Variants in PLCH2 observed in about 807,000 individuals in gnomAD.
PLCH2 encodes the protein phospholipase C eta 2, also known as 1-phosphatidylinositol 4,5-bisphosphate phosphodiesterase eta-2.
Under a neutral mutation model 134.7 loss-of-function variants are expected in PLCH2, and 98 were observed. That is an observed-to-expected ratio of 0.73 (90% confidence interval 0.62 to 0.86). The LOEUF (loss-of-function observed/expected upper bound fraction) is 0.86, where lower values mean the gene tolerates loss of function less well. Among genes scored for constraint, PLCH2 ranks in the 40% least tolerant of loss-of-function variants. PLCH2 has a pLI of 0.00. For missense variants in PLCH2, 1,994 were observed against 1,986.6 expected, an observed-to-expected ratio of 1.00 and a Z score of -0.07; for synonymous variants, 974 against 827.5, an observed-to-expected ratio of 1.18 and a Z score of -3.04.
At chr1:2,469,925 T>G (rs4648637) in intron 1 of PLCH2, among the ~76,000 whole-genome samples, 60,415 of 152,006 alleles carry the variant, frequency 0.4, 12,387 homozygotes, top group East Asian at 0.5. Context: ...GGGGGCCTTG[T>G]GGCTGACGGT....
chr1:2,496,741 C>T, intron 14 of PLCH2, 37 bp downstream of exon 14: 1 of 1,608,932 alleles, frequency 6.2e-7, no homozygotes, highest in Non-Finnish European at 8.5e-7. Context: ...CGGGCGGAGG[C>T]CTCCCTGTCC....
At chr1:2,478,684 C>A in intron 2 of PLCH2, 62 bp downstream of exon 2, 2 of 1,501,236 alleles carry the variant, frequency 1.3e-6, no homozygotes, top group Non-Finnish European at 9.1e-7. Flanking sequence ...ACGGTAGGGA[C>A]CCTCCCAGGG....
In PLCH2 at chr1:2,451,228, C is replaced by T. The variant is rs571329834; in HGVS notation, c.115+20599C>T. Among the ~76,000 whole-genome samples the T allele has an allele frequency of 7.2e-4, 109 of 152,298 alleles. 2 individuals are homozygous for T. The highest frequency in any genetic ancestry group is 2.5e-3 in the African/African-American group (102 of 41,558). ...CTTCTCCACTCCCCAGGGCCCTCCCCCTCCCAGCCAAGGCAGGCGGTGGTG... is the reference window on the plus strand; with the variant it reads ...CTTCTCCACTCCCCAGGGCCCTCCCTCTCCCAGCCAAGGCAGGCGGTGGTG... On this transcript the variant is annotated intron_variant, in intron 2 of 3. Transcript: ENST00000609981.
upstream of PLCH2, among the ~76,000 whole-genome samples, chr1:2,475,709 G>A (rs192530455): frequency 2.6e-5 from 4 of 152,318 alleles, no homozygotes; most frequent in Middle Eastern, 3.4e-3. Context: ...GCCACAGCTC[G>A]GTGACCGTGG....
In PLCH2 at chr1:2,437,066, CCT is replaced by C. The variant is rs528177315; in HGVS notation, c.115+6441_115+6442del. ...CCCCAGCCCAGACAGGGCCGCCAGG[CCT>C]CTCGCCTTCTGTGGGGCAGGGCAGC... On this transcript the variant is annotated intron_variant, in intron 2 of 3. Coordinates refer to the PLCH2 transcript ENST00000609981. 5.6e-3 allele frequency among the ~76,000 whole-genome samples: 849 copies of C among 152,350 alleles called. 6 individuals are homozygous for C. The highest frequency in any genetic ancestry group is 0.01 in the Non-Finnish European group (689 of 68,014).
rs1366180198 is a variant in PLCH2 at position 2,487,564 on chromosome 1, C to T, written c.1115-34C>T. On this transcript the variant is annotated intron_variant, in intron 7 of 21. Coordinates refer to ENST00000378486, the MANE Select transcript of PLCH2 (RefSeq NM_014638.4). Reference sequence around the variant, plus strand: ...CCTGCCTGGGCTCACTGTGGCTAGGCCCCTGGGGCTGACCAAGGCCTGCCC... The same window carrying T: ...CCTGCCTGGGCTCACTGTGGCTAGGTCCCTGGGGCTGACCAAGGCCTGCCC... 2.5e-6 allele frequency: 4 copies of T among 1,598,594 alleles called. No homozygotes were observed. The African/African-American group carries it at 4.0e-5, about 16-fold the overall frequency.
rs1356995264 is a variant in PLCH2, at chr1:2,427,093, T to G, written c.-178+1056T>G. Among the ~76,000 whole-genome samples, 8 of 152,314 alleles carry G rather than the reference T, an allele frequency of 5.3e-5. No homozygotes were observed. In the East Asian group the frequency reaches 1.5e-3, roughly 29 times the overall value. The stretch of plus-strand genomic sequence containing the variant: ...AGGACGTCTTGGCCGGGGGTCTCCA[T>G]ACCTGGGACCCACGTTCAGCCTGGA... On this transcript the variant is annotated intron_variant, in intron 1 of 3. Coordinates refer to the PLCH2 transcript ENST00000609981.
chr1:2,458,284 C>T (rs1234944517), intron 2 of PLCH2, among the ~76,000 whole-genome samples: 2 of 152,200 alleles, frequency 1.3e-5, no homozygotes, highest in Non-Finnish European at 2.9e-5. Flanking sequence ...TGTGTCCTGC[C>T]GTCCAGACAC....
intron 15 of PLCH2, 143 bp downstream of exon 15, chr1:2,497,153 G>A (rs1051380893): frequency 2.5e-5 from 21 of 832,618 alleles, no homozygotes; most frequent in African/African-American, 1.7e-4. Flanking sequence ...ACACCTCTGT[G>A]GCATGCTGCC....
At chr1:2,467,417 G>A (rs560874749), upstream of PLCH2, 2 of 385,160 alleles carry the variant, frequency 5.2e-6, no homozygotes, top group Non-Finnish European at 9.1e-6. Flanking sequence ...CGGTCCCAGC[G>A]GCGGCCCCGT....
At chr1:2,455,227 C>A (rs116116561) in intron 2 of PLCH2, among the ~76,000 whole-genome samples, 1 of 152,184 alleles carries the variant, frequency 6.6e-6, no homozygotes, top group Non-Finnish European at 1.5e-5. Flanking sequence ...GGAGCTAGGA[C>A]GGGCGGGCAC....
At chr1:2,457,081 G>A (rs1465229159) in intron 2 of PLCH2, among the ~76,000 whole-genome samples, 1 of 152,214 alleles carries the variant, frequency 6.6e-6, no homozygotes, top group African/African-American at 2.4e-5. Context: ...CTGGTGTGGC[G>A]GTGGTGGCTT....
Position 2,496,705 on chromosome 1 carries a change from G to A in PLCH2, c.1933+1G>A. ...GCCACCCACGACATAGAGATGGAGGGTGAGTGGCTCGGGGACCTGGGGCCA... is the reference window on the plus strand; with the variant it reads ...GCCACCCACGACATAGAGATGGAGGATGAGTGGCTCGGGGACCTGGGGCCA... On this transcript the variant is annotated splice_donor_variant, in intron 14 of 21. Coordinates refer to ENST00000378486, the MANE Select transcript of PLCH2 (RefSeq NM_014638.4). LOFTEE classifies it high-confidence loss of function. The A allele has an allele frequency of 6.2e-7, 1 of 1,611,678 alleles. No homozygotes were observed.
Position 2,486,034 on chromosome 1 carries a change from C to T in PLCH2, c.817-873C>T, listed in dbSNP as rs1642267153. Among the ~76,000 whole-genome samples the T allele has an allele frequency of 2.0e-5, 3 of 152,304 alleles. No homozygotes were observed. The South Asian group carries it at 6.2e-4, about 32-fold the overall frequency. On this transcript the variant is annotated intron_variant, in intron 5 of 21. Coordinates refer to ENST00000378486, the MANE Select transcript of PLCH2 (RefSeq NM_014638.4). ...GCTAGCACCAGTTGGCTAGACCCCA[C>T]TGTCTCGGATGCCCTGTGCCCTGGC...
At chr1:2,459,263 G>A (rs956275871) in intron 2 of PLCH2, among the ~76,000 whole-genome samples, 2 of 152,218 alleles carry the variant, frequency 1.3e-5, no homozygotes, top group African/African-American at 2.4e-5. Context: ...GGAGATGCAC[G>A]TGCCCCTTGC....
At chr1:2,443,586 G>A (rs994921017) in intron 2 of PLCH2, among the ~76,000 whole-genome samples, 2 of 55,986 alleles carry the variant, frequency 3.6e-5, no homozygotes, top group Non-Finnish European at 7.8e-5. Flanking sequence ...GGCGCAGGGC[G>A]GGCCGGCTAG....
Position 2,487,641 on chromosome 1 carries a change from T to C in PLCH2, c.1158T>C (p.His386=). 2.5e-6 allele frequency: 4 copies of C among 1,613,470 alleles called. No homozygotes were observed. The highest frequency in any genetic ancestry group is 1.1e-5 in the South Asian group (1 of 91,082). The stretch of plus-strand genomic sequence containing the variant: ...CCGACGGGGAGCCCATTGTGCACCA[T>C]GGCTACACTCTGACTTCCAAGATCC... ...DGPDGEPIVH[H]GYTLTSKILF... Residue 386 remains histidine (H), a synonymous_variant, in exon 8 of 22, where the codon CAT becomes CAC. Coordinates refer to ENST00000378486, the MANE Select transcript of PLCH2 (RefSeq NM_014638.4).
intron 2 of PLCH2, among the ~76,000 whole-genome samples, chr1:2,460,239 C>G (rs897953906): frequency 6.6e-6 from 1 of 152,254 alleles, no homozygotes; most frequent in Non-Finnish European, 1.5e-5. Context: ...CATGCTGCCC[C>G]GGGGTCCCAG....
upstream of PLCH2, among the ~76,000 whole-genome samples, chr1:2,464,210 G>A (rs766957835): frequency 5.3e-5 from 8 of 152,194 alleles, no homozygotes; most frequent in Non-Finnish European, 7.4e-5. Flanking sequence ...CTTTCCATGG[G>A]GTTCGAGTGT....
Sources: gnomAD v4.1 joint callset for allele counts (sites outside exome capture counted in the v4.1 genomes callset) on GRCh38, gnomAD v4.1.1 for gene constraint, MANE v1.5 for transcripts, NCBI Gene and HGNC (gene_info 2026-07-23, HGNC 2026-07-21) for gene names.